CCT5: variants seen among roughly 807,000 people sequenced by gnomAD.
The protein encoded by CCT5 is chaperonin containing TCP1 subunit 5, also known as T-complex protein 1 subunit epsilon.
CCT5 carries 6 observed loss-of-function variants against 55.0 expected under a neutral mutation model. The observed-to-expected ratio is 0.11, with a 90% CI of 0.06 to 0.22. The LOEUF (loss-of-function observed/expected upper bound fraction) is 0.22, where lower values mean the gene tolerates loss of function less well. Among genes scored for constraint, CCT5 ranks in the 10% least tolerant of loss-of-function variants. CCT5 has a pLI of 1.00. For missense variants in CCT5, 560 were observed against 694.6 expected (o/e 0.81, Z 2.18); for synonymous variants, 231 against 243.7 (o/e 0.95, Z 0.49).
chr5:10,250,666 C>G, intron 1 of CCT5: 1 of 1,407,278 alleles, frequency 7.1e-7, no homozygotes, highest in African/African-American at 1.4e-5. Flanking sequence ...CAGGCTGGGC[C>G]GCCAGCGCCC....
chr5:10,261,511 T>A, intron 7 of CCT5, 49 bp from the exon 8 acceptor site: 4 of 1,582,036 alleles, frequency 2.5e-6, no homozygotes, highest in South Asian at 1.1e-5. Context: ...TTTTGAAAGT[T>A]AACTTCACCA....
chr5:10,264,864 A>ATTG lies in CCT5; in HGVS notation c.*84_*86dup. 1 of 1,566,814 alleles carries ATTG rather than the reference A, an allele frequency of 6.4e-7. No individual in the cohort carries two copies. The highest frequency in any genetic ancestry group is 8.8e-7 in the Non-Finnish European group (1 of 1,140,852). On this transcript the variant is annotated 3_prime_UTR_variant, in exon 11 of 11. Transcript: ENST00000280326. ...TCTCGTGATGCATCTACAGTTATTTATTGTTACATCCTTTTCCAGACACTG... is the reference window on the plus strand; with the variant it reads ...TCTCGTGATGCATCTACAGTTATTTATTGTTGTTACATCCTTTTCCAGACACTG...
intron 1 of CCT5, among the ~76,000 whole-genome samples, chr5:10,251,050 C>T (rs1745374622): frequency 6.6e-6 from 1 of 152,148 alleles, no homozygotes; most frequent in Non-Finnish European, 1.5e-5. Context: ...AAGCGTGGTG[C>T]TGGAGGACAG....
intron 8 of CCT5, 84 bp downstream of exon 8, chr5:10,261,829 C>CTCATTA: frequency 9.8e-7 from 1 of 1,019,656 alleles, no homozygotes; most frequent in Non-Finnish European, 1.6e-6. Flanking sequence ...TTAACAGAGA[C>CTCATTA]ACAGTCACCA....
At chr5:10,261,240 G>C (rs964526192) in intron 7 of CCT5, 1 of 493,162 alleles carries the variant, frequency 2.0e-6, no homozygotes, top group African/African-American at 1.9e-5. Flanking sequence ...TCTCACTGCA[G>C]CGCAGTGCAA....
At chr5:10,252,475 C>T (rs1034327340) in intron 1 of CCT5, among the ~76,000 whole-genome samples, 7 of 151,482 alleles carry the variant, frequency 4.6e-5, no homozygotes, top group Non-Finnish European at 1.0e-4. Flanking sequence ...ATTGACTGGG[C>T]GCGGTGGCTC....
At chr5:10,262,329 G>A in intron 8 of CCT5, 152 bp from the exon 9 acceptor site, 6 of 853,722 alleles carry the variant, frequency 7.0e-6, no homozygotes, top group Non-Finnish European at 1.1e-5. Flanking sequence ...TACATTGCAG[G>A]AAGGAAAGCT....
intron 1 of CCT5, among the ~76,000 whole-genome samples, chr5:10,252,169 A>T (rs908546599): frequency 6.6e-6 from 1 of 152,176 alleles, no homozygotes; most frequent in Admixed American, 6.5e-5. Context: ...TAAGTCTCTT[A>T]AAAGAGTTGG....
chr5:10,263,648 C>T (rs1379007764), intron 10 of CCT5, among the ~76,000 whole-genome samples: 2 of 152,172 alleles, frequency 1.3e-5, no homozygotes, highest in Admixed American at 6.5e-5. Context: ...TATAACAGCT[C>T]TGAAGTGGGC....
intron 1 of CCT5, chr5:10,250,674 C>A: frequency 7.1e-7 from 1 of 1,403,644 alleles, no homozygotes; most frequent in Non-Finnish European, 9.3e-7. Flanking sequence ...GCCGCCAGCG[C>A]CCTTCGGAGC....
intron 1 of CCT5, among the ~76,000 whole-genome samples, chr5:10,251,672 G>A (rs761225892): frequency 3.3e-5 from 5 of 152,114 alleles, no homozygotes; most frequent in Non-Finnish European, 4.4e-5. Context: ...CTGAAGACTT[G>A]ACAGTGATAT....
At chr5:10,263,372 A>G in intron 10 of CCT5, 58 bp downstream of exon 10, 2 of 1,470,236 alleles carry the variant, frequency 1.4e-6, no homozygotes, top group South Asian at 2.3e-5. Context: ...TAAACTGAAT[A>G]ATCATCCACT....
intron 10 of CCT5, among the ~76,000 whole-genome samples, chr5:10,264,409 C>A (rs1019817283): frequency 6.6e-6 from 1 of 152,186 alleles, no homozygotes; most frequent in African/African-American, 2.4e-5. Flanking sequence ...CACCCTGTAG[C>A]TAGTCATTGA....
chr5:10,257,837 C>T lies in CCT5; in HGVS notation c.531-274C>T, dbSNP rs1449211256. Reference sequence around the variant, plus strand: ...CCAGACTACAGTGGTTTCTTGAGTACATTCATAATGGAAGGAAATAGTAAA... The same window carrying T: ...CCAGACTACAGTGGTTTCTTGAGTATATTCATAATGGAAGGAAATAGTAAA... On this transcript the variant is annotated intron_variant, in intron 4 of 10. Transcript: ENST00000280326. 5 of 484,666 alleles carry T rather than the reference C, an allele frequency of 1.0e-5. No homozygotes were observed. In the East Asian group the frequency reaches 2.0e-4, roughly 19 times the overall value. 30.0% of individuals were successfully genotyped at this position (484,666 alleles called of 1,614,324 possible). A position where few individuals can be genotyped will look rare whatever the true frequency, so the allele number is the denominator to read the frequency against.
At chr5:10,259,606 C>T (rs1172504664) in intron 6 of CCT5, among the ~76,000 whole-genome samples, 4 of 152,176 alleles carry the variant, frequency 2.6e-5, no homozygotes, top group Non-Finnish European at 5.9e-5. Flanking sequence ...AGAGCAGTGC[C>T]CCTGGGGGAG....
In CCT5 at chr5:10,256,056, A is replaced by C. The variant is rs756876432; in HGVS notation, c.433A>C (p.Ile145Leu). The part of the protein sequence containing the change: ...DGYEQAARVA[I>L]EHLDKISDSV... ...CTATGAGCAGGCTGCTCGTGTTGCT[A>C]TTGAACACCTGGACAAGATCAGCGA... The change falls in exon 4 of 11, where the codon ATT becomes CTT. Residue 145 changes from isoleucine to leucine, a missense_variant. Coordinates refer to ENST00000280326, the MANE Select transcript of CCT5 (RefSeq NM_012073.5). The C allele has an allele frequency of 6.2e-7, 1 of 1,614,136 alleles. No individual in the cohort carries two copies. The highest frequency in any genetic ancestry group is 1.7e-4 in the Middle Eastern group (1 of 6,060).
chr5:10,260,996 A>G (rs1041022811), intron 7 of CCT5, 85 bp downstream of exon 7: 1 of 1,389,886 alleles, frequency 7.2e-7, no homozygotes, highest in Non-Finnish European at 1.0e-6. Flanking sequence ...TGCCTTAAAT[A>G]ACTGCATCAC....
At chr5:10,259,932 C>T (rs1745873313) in intron 6 of CCT5, among the ~76,000 whole-genome samples, 1 of 152,206 alleles carries the variant, frequency 6.6e-6, no homozygotes, top group Non-Finnish European at 1.5e-5. Flanking sequence ...CAAAGAGGAA[C>T]ACTGCAGGTG....
At chr5:10,261,813 G>A (rs1448297278) in intron 8 of CCT5, 68 bp downstream of exon 8, 1 of 1,267,972 alleles carries the variant, frequency 7.9e-7, no homozygotes, top group Non-Finnish European at 1.2e-6. Flanking sequence ...TTTTGCCTGT[G>A]TGTATTTAAC....
Sources: gnomAD v4.1 joint callset for allele counts (sites outside exome capture counted in the v4.1 genomes callset) on GRCh38, gnomAD v4.1.1 for gene constraint, MANE v1.5 for transcripts, NCBI Gene and HGNC (gene_info 2026-07-23, HGNC 2026-07-21) for gene names.